WNK3: variants seen among roughly 807,000 people sequenced by gnomAD.
The protein encoded by WNK3 is serine/threonine-protein kinase WNK3.
A neutral mutation model predicts 116.7 loss-of-function variants in WNK3; 18 were observed. The observed-to-expected ratio is 0.15, with a 90% CI of 0.11 to 0.23. WNK3 has a LOEUF of 0.23. Among genes scored for constraint, WNK3 ranks in the 10% least tolerant of loss-of-function variants. WNK3 has a pLI of 1.00. For missense variants in WNK3, 993 were observed against 1,323.8 expected, an observed-to-expected ratio of 0.75 and a Z score of 3.88; for synonymous variants, 404 against 469.4, an observed-to-expected ratio of 0.86 and a Z score of 1.80.
chrX:54,345,321 T>C (rs2069407664), intron 1 of WNK3, among the ~76,000 whole-genome samples: 1 of 109,507 alleles, frequency 9.1e-6, no homozygotes, highest in Admixed American at 9.9e-5. Flanking sequence ...TATGTATGTA[T>C]GTATGTATTT....
intron 22 of WNK3, among the ~76,000 whole-genome samples, chrX:54,225,708 A>G (rs930168581): frequency 1.8e-5 from 2 of 110,546 alleles, no homozygotes; most frequent in African/African-American, 6.6e-5. Flanking sequence ...GGAAGACAAC[A>G]TTTTAAAGAT....
intron 10 of WNK3, among the ~76,000 whole-genome samples, chrX:54,268,080 G>GCGCA (rs1491580080): frequency 3.7e-5 from 3 of 80,807 alleles, no homozygotes; most frequent in South Asian, 1.6e-3. Flanking sequence ...CTGAATGCGT[G>GCGCA]CACACACACA....
At chrX:54,306,061 T>A (rs782457389) in intron 5 of WNK3, among the ~76,000 whole-genome samples, 9 of 110,364 alleles carry the variant, frequency 8.2e-5, no homozygotes, top group Non-Finnish European at 1.5e-4. Flanking sequence ...TCTCAAAAAA[T>A]AAATAAATAA....
chrX:54,213,886 C>T (rs1380683129), intron 22 of WNK3, among the ~76,000 whole-genome samples: 1 of 111,031 alleles, frequency 9.0e-6, no homozygotes, highest in Non-Finnish European at 1.9e-5. Flanking sequence ...CAAGTCCCCC[C>T]CAAAACCACA....
chrX:54,302,758 T>TACATA (rs1491572190), intron 5 of WNK3, among the ~76,000 whole-genome samples: 1 of 27,053 alleles, frequency 3.7e-5, no homozygotes, highest in Non-Finnish European at 5.8e-5. Flanking sequence ...TATATATATA[T>TACATA]TTTTTTTTTT....
exon 24 of WNK3, chrX:54,195,251 C>G (rs1247693646): frequency 9.0e-6 from 1 of 111,461 alleles, no homozygotes; most frequent in African/African-American, 3.3e-5. Context: ...GCTGGACATA[C>G]AGACTATCCT....
Position 54,336,988 on chromosome X carries a change from A to C in WNK3, c.-119-3196T>G, listed in dbSNP as rs997217617. 6.3e-5 allele frequency among the ~76,000 whole-genome samples: 7 copies of C among 111,569 alleles called. No individual in the cohort carries two copies. The Admixed American group carries it at 6.7e-4, about 11-fold the overall frequency. On this transcript the variant is annotated intron_variant, in intron 1 of 23. Coordinates refer to ENST00000354646, the Ensembl canonical transcript of WNK3. ...ACTTCCAAAGTCACTTAATAAGACT[A>C]GTATTGTATGCAAGTGAAAAAAAGT... is the stretch of plus-strand genomic sequence containing the variant.
Position 54,344,971 on chromosome X carries a change from C to T in WNK3, c.-119-11179G>A, listed in dbSNP as rs1203681276. Among the ~76,000 whole-genome samples the T allele has an allele frequency of 4.3e-5, 4 of 91,955 alleles. 1 individual carries two copies. In the South Asian group the frequency reaches 2.0e-3, roughly 47 times the overall value. The allele number at this position is 91,955 out of a possible 115,157, so 79.9% of individuals were successfully genotyped here. A position where few individuals can be genotyped will look rare whatever the true frequency, so the allele number is the denominator to read the frequency against. On this transcript the variant is annotated intron_variant, in intron 1 of 23. Transcript: ENST00000354646. ...AAAAAAAAAAAAAAAATTTTGAGGC[C>T]GGGCGCGGTGGCTCCCGCCTGTAAT...
chrX:54,303,115 G>A (rs1352202657), intron 5 of WNK3, among the ~76,000 whole-genome samples: 1 of 106,237 alleles, frequency 9.4e-6, no homozygotes, highest in Non-Finnish European at 1.9e-5. Context: ...AGAAGCCATC[G>A]GTAGACGGCA....
Position 54,203,722 on chromosome X carries a change from G to A in WNK3, c.4871-1529C>T, listed in dbSNP as rs781822162. On this transcript the variant is annotated intron_variant, in intron 22 of 23. Coordinates refer to ENST00000354646, the Ensembl canonical transcript of WNK3. ...ATAAATGCCAACTGCTGAGGTGGGC[G>A]GATCACCTGAGGTCAGGAGTTCAAG... 4.2e-3 allele frequency among the ~76,000 whole-genome samples: 464 copies of A among 110,055 alleles called. 3 individuals carry two copies. The highest frequency in any genetic ancestry group is 0.015 in the African/African-American group (439 of 30,214).
chrX:54,277,313 A>T lies in WNK3; in HGVS notation c.2037+15575T>A, dbSNP rs997716284. Among the ~76,000 whole-genome samples, 8 of 110,482 alleles carry T rather than the reference A, an allele frequency of 7.2e-5. No individual in the cohort carries two copies. The Admixed American group carries it at 7.7e-4, about 11-fold the overall frequency. ...GAAAGGGAGAGATCACACTGTCTCT[A>T]TTTTAGGAGATTATATGATTTTCTT... is the stretch of plus-strand genomic sequence containing the variant. On this transcript the variant is annotated intron_variant, in intron 10 of 23. Transcript: ENST00000354646.
intron 10 of WNK3, among the ~76,000 whole-genome samples, chrX:54,284,233 G>A (rs1426904732): frequency 9.0e-6 from 1 of 111,578 alleles, no homozygotes; most frequent in Non-Finnish European, 1.9e-5. Flanking sequence ...CAAATAAAAT[G>A]GGTAAATGAC....
intron 10 of WNK3, among the ~76,000 whole-genome samples, chrX:54,287,780 T>C (rs1304248845): frequency 2.7e-5 from 3 of 111,802 alleles, no homozygotes; most frequent in Non-Finnish European, 5.6e-5. Flanking sequence ...ACAGGGACCA[T>C]GACTCCCACT....
At chrX:54,302,751 ATATATATTT>A (rs1557167814) in intron 5 of WNK3, among the ~76,000 whole-genome samples, 8 of 42,490 alleles carry the variant, frequency 1.9e-4, no homozygotes, top group African/African-American at 5.6e-4. Flanking sequence ...ATATATATAT[ATATATATTT>A]TTTTTTTTTT....
At chrX:54,346,921 T>C (rs782177792) in intron 1 of WNK3, among the ~76,000 whole-genome samples, 1 of 112,066 alleles carries the variant, frequency 8.9e-6, no homozygotes, top group African/African-American at 3.2e-5. Context: ...CAGGAGATTC[T>C]ATTTAGGAAG....
At chrX:54,232,883 G>T in exon 21 of WNK3, 1 of 1,211,291 alleles carries the variant, frequency 8.3e-7, no homozygotes, top group South Asian at 1.8e-5. Context: ...GAAAGATCTT[G>T]GTCGACGTGG....
intron 10 of WNK3, among the ~76,000 whole-genome samples, chrX:54,286,227 A>G (rs1167810070): frequency 2.5e-4 from 27 of 107,980 alleles, no homozygotes; most frequent in Non-Finnish European, 2.5e-4. Flanking sequence ...GTGGGGGGGG[A>G]GAAGAAAAAA....
chrX:54,266,772 C>T (rs1305026369), intron 10 of WNK3, among the ~76,000 whole-genome samples: 3 of 110,243 alleles, frequency 2.7e-5, no homozygotes, highest in Admixed American at 2.0e-4. Flanking sequence ...ATGTGCTGAA[C>T]GTGCAGGTTT....
At position 54,302,917 on chromosome X, in the gene WNK3, C is replaced by T. The variant is rs782475645; in HGVS notation, c.1090-1058G>A. Among the ~76,000 whole-genome samples the T allele has an allele frequency of 4.6e-3, 463 of 100,202 alleles. 3 individuals are homozygous for T. Among genetic ancestry groups the T allele is most frequent in the Middle Eastern group, 0.01 (2 of 199 alleles). 87.0% of individuals were successfully genotyped at this position (100,202 alleles called of 115,157 possible). ...TAGCTGGGACTACAGGCGCATGCCA[C>T]CAAACTCGGCTAATTTTTTTTTTTT... is the stretch of plus-strand genomic sequence containing the variant. On this transcript the variant is annotated intron_variant, in intron 5 of 23. Transcript: ENST00000354646.
Sources: allele counts gnomAD v4.1 joint callset (sites outside exome capture counted in the v4.1 genomes callset), GRCh38; gene constraint gnomAD v4.1.1; transcripts MANE v1.5; gene names NCBI Gene and HGNC (gene_info 2026-07-23, HGNC 2026-07-21).